CWC27: variants seen among roughly 807,000 people sequenced by gnomAD.
CWC27 encodes the protein CWC27 spliceosome associated cyclophilin.
In CWC27, 47 loss-of-function variants were observed where a neutral mutation model predicts 63.6. The observed-to-expected ratio is 0.74, with a 90% CI of 0.58 to 0.94. The LOEUF (loss-of-function observed/expected upper bound fraction) is 0.94. Among genes scored for constraint, CWC27 ranks in the 40% least tolerant of loss-of-function variants. CWC27 has a pLI of 0.00. For synonymous variants in CWC27, 175 were observed against 179.8 expected (o/e 0.97, Z 0.22); for missense variants, 495 against 554.3 (o/e 0.89, Z 1.07).
chr5:64,845,745 A>T (rs1208731325), intron 10 of CWC27, among the ~76,000 whole-genome samples: 1 of 152,220 alleles, frequency 6.6e-6, no homozygotes, highest in Non-Finnish European at 1.5e-5. Context: ...ATGAGACACC[A>T]TCAAGAGTTC....
chr5:64,868,551 G>A (rs1235245099), intron 10 of CWC27, among the ~76,000 whole-genome samples: 3 of 151,948 alleles, frequency 2.0e-5, no homozygotes, highest in African/African-American at 7.2e-5. Flanking sequence ...CAAGGTGTAG[G>A]CCCCACCCCA....
chr5:65,004,909 T>TAAAA (rs1402275240), intron 13 of CWC27, among the ~76,000 whole-genome samples: 1 of 65,086 alleles, frequency 1.5e-5, no homozygotes, highest in Non-Finnish European at 2.7e-5. Flanking sequence ...TATATATACA[T>TAAAA]ACACACACAC....
chr5:64,962,564 A>G (rs529461428), intron 11 of CWC27, among the ~76,000 whole-genome samples: 2 of 152,308 alleles, frequency 1.3e-5, no homozygotes, highest in African/African-American at 4.8e-5. Flanking sequence ...TCAGAACTCT[A>G]TGTGGCAGAA....
In CWC27 at chr5:64,866,986, A is replaced by G. The variant is rs1746545558; in HGVS notation, c.939-18457A>G. On this transcript the variant is annotated intron_variant, in intron 10 of 13. Coordinates refer to ENST00000381070, the MANE Select transcript of CWC27 (RefSeq NM_005869.4). ...CTTTTGCTTTGACATTTTCTACGTGAATATGTATAAACATTTCACACACCT... is the reference window on the plus strand; with the variant it reads ...CTTTTGCTTTGACATTTTCTACGTGGATATGTATAAACATTTCACACACCT... Among the ~76,000 whole-genome samples, 5 of 152,216 alleles carry G rather than the reference A, an allele frequency of 3.3e-5. No homozygotes were observed. In the South Asian group the frequency reaches 1.0e-3, roughly 32 times the overall value.
chr5:64,985,422 T>C (rs917686464), intron 13 of CWC27, among the ~76,000 whole-genome samples: 1 of 152,208 alleles, frequency 6.6e-6, no homozygotes, highest in African/African-American at 2.4e-5. Context: ...TGTCTCTCCA[T>C]TTATTTAGGT....
At chr5:64,967,928 G>A (rs1271273573) in intron 11 of CWC27, among the ~76,000 whole-genome samples, 1 of 151,886 alleles carries the variant, frequency 6.6e-6, no homozygotes, top group African/African-American at 2.4e-5. Flanking sequence ...GCTGTTCATC[G>A]AATTTTAACT....
intron 11 of CWC27, among the ~76,000 whole-genome samples, chr5:64,899,151 GATTCTGTT>G (rs1210841848): frequency 6.6e-6 from 1 of 152,108 alleles, no homozygotes; most frequent in Admixed American, 6.6e-5. Context: ...AAAATTACTA[GATTCTGTT>G]ATATAATATG....
chr5:64,910,494 A>G (rs1307009148), intron 11 of CWC27, among the ~76,000 whole-genome samples: 1 of 152,212 alleles, frequency 6.6e-6, no homozygotes, highest in Non-Finnish European at 1.5e-5. Flanking sequence ...GCTGTCAGAC[A>G]GGGATGTTTA....
chr5:64,835,028 A>T (rs1016949873), intron 10 of CWC27, among the ~76,000 whole-genome samples: 4 of 151,828 alleles, frequency 2.6e-5, no homozygotes, highest in Non-Finnish European at 5.9e-5. Flanking sequence ...CACATCTTTT[A>T]AAATCCAAAT....
chr5:64,935,316 C>T lies in CWC27; in HGVS notation c.1043-36387C>T, dbSNP rs572899491. Among the ~76,000 whole-genome samples, 4 of 152,312 alleles carry T rather than the reference C, an allele frequency of 2.6e-5. No individual in the cohort carries two copies. In the East Asian group the frequency reaches 7.7e-4, roughly 29 times the overall value. ...GAAGGGGTCCAGTTTCAGTTTCCTG[C>T]TTATGGCTAGCCAGTTTTCCCAACA... On this transcript the variant is annotated intron_variant, in intron 11 of 13. Coordinates refer to ENST00000381070, the MANE Select transcript of CWC27 (RefSeq NM_005869.4).
chr5:64,782,484 T>TA (rs1561403491), intron 3 of CWC27, among the ~76,000 whole-genome samples: 2 of 36,768 alleles, frequency 5.4e-5, no homozygotes, highest in East Asian at 1.0e-3. Flanking sequence ...ATAAATAAAT[T>TA]GTCTGTAAAA....
At chr5:64,990,951 TA>T (rs1416718402) in intron 13 of CWC27, among the ~76,000 whole-genome samples, 1 of 152,226 alleles carries the variant, frequency 6.6e-6, no homozygotes, top group Non-Finnish European at 1.5e-5. Context: ...ATTTATTTAA[TA>T]AATGTTTTTA....
intron 11 of CWC27, among the ~76,000 whole-genome samples, chr5:64,970,211 A>ATTTTTTT (rs11369937): frequency 7.4e-6 from 1 of 135,352 alleles, no homozygotes; most frequent in Non-Finnish European, 1.6e-5. Flanking sequence ...TATGAAAGTA[A>ATTTTTTT]TTTTTTTTTT....
At chr5:64,911,420 G>A (rs6881641) in intron 11 of CWC27, among the ~76,000 whole-genome samples, 14,344 of 152,168 alleles carry the variant, frequency 0.094, 2,054 homozygotes, top group African/African-American at 0.31. Flanking sequence ...TTTCAGGAAA[G>A]GCAGACCACA....
intron 9 of CWC27, 65 bp downstream of exon 9, chr5:64,801,397 A>C (rs1030376033): frequency 8.4e-7 from 1 of 1,193,474 alleles, no homozygotes; most frequent in African/African-American, 1.7e-5. Context: ...ATTTTTACAA[A>C]AACTTAATTT....
chr5:64,847,115 A>G (rs1746002209), intron 10 of CWC27, among the ~76,000 whole-genome samples: 1 of 152,192 alleles, frequency 6.6e-6, no homozygotes, highest in Non-Finnish European at 1.5e-5. Context: ...GGATTAAAAA[A>G]CAAGACTTAG....
At chr5:64,883,187 A>G (rs963149250) in intron 10 of CWC27, among the ~76,000 whole-genome samples, 2 of 152,134 alleles carry the variant, frequency 1.3e-5, no homozygotes, top group African/African-American at 4.8e-5. Context: ...TGAGAATAGC[A>G]TGGGAGAAAC....
chr5:64,935,895 CTGTT>C (rs1310956156), intron 11 of CWC27, among the ~76,000 whole-genome samples: 1 of 152,126 alleles, frequency 6.6e-6, no homozygotes, highest in African/African-American at 2.4e-5. Flanking sequence ...ATTTGGCTCT[CTGTT>C]TGTCTATTAT....
At chr5:64,801,380 G>A (rs1744481030) in intron 9 of CWC27, 48 bp downstream of exon 9, 2 of 1,233,074 alleles carry the variant, frequency 1.6e-6, no homozygotes, top group Non-Finnish European at 2.1e-6. Flanking sequence ...TTCATAGAAA[G>A]TACAAAATTT....
Sources: gnomAD v4.1 joint callset for allele counts (sites outside exome capture counted in the v4.1 genomes callset) on GRCh38, gnomAD v4.1.1 for gene constraint, MANE v1.5 for transcripts, NCBI Gene and HGNC (gene_info 2026-07-23, HGNC 2026-07-21) for gene names.